RMDN2: variants seen among roughly 807,000 people sequenced by gnomAD.
RMDN2 encodes the protein regulator of microtubule dynamics protein 2.
In RMDN2, 61 loss-of-function variants were observed where a neutral mutation model predicts 52.8. The observed-to-expected ratio is 1.16, with a 90% confidence interval of 0.94 to 1.43. The LOEUF (loss-of-function observed/expected upper bound fraction) is 1.43, where lower values mean the gene tolerates loss of function less well. RMDN2 is among the 40% of genes most tolerant of loss of function. RMDN2 has a pLI of 0.00. For synonymous variants in RMDN2, 180 were observed against 153.1 expected (o/e 1.18, Z -1.30); for missense variants, 592 against 475.3 (o/e 1.25, Z -2.28).
intron 2 of RMDN2, among the ~76,000 whole-genome samples, chr2:37,971,979 A>G (rs2125062958): frequency 6.6e-6 from 1 of 152,318 alleles, no homozygotes; most frequent in South Asian, 2.1e-4. Context: ...TAAACCATGA[A>G]CGTGATATAT....
At chr2:37,939,051 C>G (rs1468474975) in intron 2 of RMDN2, among the ~76,000 whole-genome samples, 2 of 152,212 alleles carry the variant, frequency 1.3e-5, no homozygotes, top group Non-Finnish European at 2.9e-5. Flanking sequence ...AAATTTCCCT[C>G]TAATCACTGC....
chr2:38,025,591 ATGTTACC>A (rs1679722526), intron 10 of RMDN2, among the ~76,000 whole-genome samples: 1 of 152,030 alleles, frequency 6.6e-6, no homozygotes, highest in South Asian at 2.1e-4. Context: ...ATTGATCACA[ATGTTACC>A]TGTAGGTTTT....
At chr2:38,059,693 C>G (rs1681965676) in intron 10 of RMDN2, among the ~76,000 whole-genome samples, 1 of 152,036 alleles carries the variant, frequency 6.6e-6, no homozygotes, top group Non-Finnish European at 1.5e-5. Flanking sequence ...GAGAGATGAA[C>G]TCAAGCTAGA....
At chr2:37,946,118 G>C (rs755708227) in intron 2 of RMDN2, among the ~76,000 whole-genome samples, 1 of 152,094 alleles carries the variant, frequency 6.6e-6, no homozygotes, top group Non-Finnish European at 1.5e-5. Context: ...AAATCAAATC[G>C]TATCTTACCA....
intron 10 of RMDN2, among the ~76,000 whole-genome samples, chr2:38,061,879 G>A (rs1682067452): frequency 6.6e-6 from 1 of 152,080 alleles, no homozygotes; most frequent in Non-Finnish European, 1.5e-5. Flanking sequence ...CATCCCAAAG[G>A]CTGGTATTCT....
Position 37,963,896 on chromosome 2 carries a change from G to A in RMDN2, c.453-10144G>A, listed in dbSNP as rs1486817991. ...CTCACTTCCCAGCAGGGGCGGCGGG[G>A]CAGAGGCGCCCCCCCACCTCCCGGA... On this transcript the variant is annotated intron_variant, in intron 2 of 10. Transcript: ENST00000354545. Among the ~76,000 whole-genome samples the A allele has an allele frequency of 2.4e-5, 3 of 122,792 alleles. No individual in the cohort carries two copies. In the East Asian group the frequency reaches 6.3e-4, roughly 26 times the overall value. 80.6% of individuals were successfully genotyped at this position (122,792 alleles called of 152,430 possible). A position where few individuals can be genotyped will look rare whatever the true frequency, so the allele number is the denominator to read the frequency against.
intron 10 of RMDN2, among the ~76,000 whole-genome samples, chr2:38,046,276 T>C (rs1681267345): frequency 6.6e-6 from 1 of 152,214 alleles, no homozygotes; most frequent in African/African-American, 2.4e-5. Flanking sequence ...TAACCCTTAC[T>C]GCCTGCAAGT....
At chr2:38,018,347 A>G (rs919961475), downstream of RMDN2, among the ~76,000 whole-genome samples, 1 of 152,224 alleles carries the variant, frequency 6.6e-6, no homozygotes, top group Non-Finnish European at 1.5e-5. Flanking sequence ...TTTAAAAAGT[A>G]TTTTGGCACA....
intron 7 of RMDN2, among the ~76,000 whole-genome samples, chr2:37,993,157 T>G (rs1558523036): frequency 2.6e-5 from 4 of 152,174 alleles, no homozygotes. Context: ...ACTCCTGGCC[T>G]CAAATGATCC....
At chr2:37,986,928 A>C (rs1221545058) in intron 5 of RMDN2, among the ~76,000 whole-genome samples, 1 of 152,128 alleles carries the variant, frequency 6.6e-6, no homozygotes. Context: ...CAAGGTAAGG[A>C]TGTTCCCTCT....
chr2:38,000,931 TG>T (rs1230092955), intron 8 of RMDN2, among the ~76,000 whole-genome samples: 1 of 152,200 alleles, frequency 6.6e-6, no homozygotes, highest in Admixed American at 6.5e-5. Context: ...ATAAAACTAT[TG>T]ATTCCAATGG....
At chr2:38,056,682 T>G (rs927156560) in intron 10 of RMDN2, among the ~76,000 whole-genome samples, 2 of 152,220 alleles carry the variant, frequency 1.3e-5, no homozygotes, top group African/African-American at 4.8e-5. Flanking sequence ...GAATTTTGTT[T>G]GATTAGGTGC....
At chr2:37,962,711 T>C (rs1005860790) in intron 2 of RMDN2, among the ~76,000 whole-genome samples, 1 of 152,062 alleles carries the variant, frequency 6.6e-6, no homozygotes, top group Non-Finnish European at 1.5e-5. Context: ...GTTCTGTCTT[T>C]CTGGGGTTCA....
chr2:38,025,471 G>T (rs538906156), intron 10 of RMDN2, among the ~76,000 whole-genome samples: 202 of 151,960 alleles, frequency 1.3e-3, no homozygotes, highest in African/African-American at 4.5e-3. Context: ...GTTTTGTTTT[G>T]TTTTTGCCTT....
At chr2:38,005,770 C>G (rs986740128) in intron 10 of RMDN2, among the ~76,000 whole-genome samples, 1 of 152,156 alleles carries the variant, frequency 6.6e-6, no homozygotes, top group African/African-American at 2.4e-5. Flanking sequence ...CACATGAAGT[C>G]CTTGCCCATG....
At chr2:38,016,749 A>G (rs1390135684) in intron 10 of RMDN2, among the ~76,000 whole-genome samples, 1 of 152,152 alleles carries the variant, frequency 6.6e-6, no homozygotes, top group Non-Finnish European at 1.5e-5. Flanking sequence ...CCTTCAGGCA[A>G]AGCTCAAGCC....
In RMDN2 at chr2:37,929,670, C is replaced by T. The variant is rs1666562503; in HGVS notation, c.393C>T (p.Leu131=). Residue 131 remains leucine (L), a synonymous_variant, in exon 2 of 11, where the codon CTC becomes CTT. Coordinates refer to ENST00000354545, the MANE Select transcript of RMDN2 (RefSeq NM_001170791.3). ...SPQHRARKRR[L]PTIQSSATSN... ...AGCACAGAGCGAGAAAAAGAAGACTCCCCACAATTCAAAGTTCAGCAACAA... is the reference window on the plus strand; with the variant it reads ...AGCACAGAGCGAGAAAAAGAAGACTTCCCACAATTCAAAGTTCAGCAACAA... 2 of 1,534,388 alleles carry T rather than the reference C, an allele frequency of 1.3e-6. No individual in the cohort carries two copies. Among genetic ancestry groups the T allele is most frequent in the Non-Finnish European group, 1.7e-6 (2 of 1,142,872 alleles).
intron 5 of RMDN2, among the ~76,000 whole-genome samples, chr2:37,985,922 A>G (rs576508761): frequency 2.6e-5 from 4 of 152,308 alleles, no homozygotes; most frequent in South Asian, 2.1e-4. Flanking sequence ...TTTTGTATCA[A>G]TATTGTATAT....
chr2:37,931,854 G>A (rs1345008736), intron 2 of RMDN2, among the ~76,000 whole-genome samples: 1 of 152,178 alleles, frequency 6.6e-6, no homozygotes, highest in Non-Finnish European at 1.5e-5. Context: ...CCTCTTGCTT[G>A]ATCCTGGGTG....
Sources: gnomAD v4.1 joint callset for allele counts (sites outside exome capture counted in the v4.1 genomes callset) on GRCh38, gnomAD v4.1.1 for gene constraint, MANE v1.5 for transcripts, NCBI Gene and HGNC (gene_info 2026-07-23, HGNC 2026-07-21) for gene names.